Variants in UPP2 observed in about 807,000 individuals in gnomAD.
UPP2 encodes uridine phosphorylase 2, also known as UPase 2.
Under a neutral mutation model 26.7 loss-of-function variants are expected in UPP2, and 23 were observed. The observed-to-expected ratio is 0.86, with a 90% CI of 0.62 to 1.22. UPP2 has a LOEUF of 1.22. UPP2 is among the 50% of genes most tolerant of loss of function. UPP2 has a pLI of 0.00. For missense variants in UPP2, 387 were observed against 396.7 expected (o/e 0.98, Z 0.21); for synonymous variants, 127 against 141.3 (o/e 0.90, Z 0.72).
chr2:158,106,085 A>T lies in UPP2; in HGVS notation c.63-14A>T, dbSNP rs1558932666. The T allele has an allele frequency of 3.9e-6, 6 of 1,528,714 alleles. No individual in the cohort carries two copies. Among genetic ancestry groups the T allele is most frequent in the African/African-American group, 1.4e-5 (1 of 71,334 alleles). The allele number at this position is 1,528,714 out of a possible 1,614,324, so 94.7% of individuals were successfully genotyped here. On this transcript the variant is annotated splice_polypyrimidine_tract_variant and intron_variant, in intron 1 of 6. Coordinates refer to ENST00000005756, the MANE Select transcript of UPP2 (RefSeq NM_173355.4). ...AATTCTTTTATATCTTCTTTGTATA[A>T]TTTTTTTTTCCAGAAAAAGGTTTGT...
chr2:158,126,314 C>T (rs960521192), intron 6 of UPP2: 9 of 152,246 alleles, frequency 5.9e-5, no homozygotes, highest in Admixed American at 2.6e-4. Context: ...AGCTGATTTC[C>T]GCCTGCAAAT....
rs150948745 is a variant in UPP2 at position 158,115,106 on chromosome 2, C to G, written c.186C>G (p.Val62=). The G allele has an allele frequency of 0.019, 30,073 of 1,600,962 alleles. 336 individuals carry two copies. The highest frequency in any genetic ancestry group is 0.028 in the Middle Eastern group (170 of 5,970). The change falls in exon 3 of 7, where the codon GTC becomes GTG. Residue 62 remains valine (V), a synonymous_variant. Transcript: ENST00000005756. ...LPAMFGDVKF[V]CVGGSPNRMK... ...TTGTTTATTTTTATTAACAGTTTGT[C>G]TGTGTCGGTGGGAGCCCCAACAGAA...
intron 3 of UPP2, among the ~76,000 whole-genome samples, chr2:158,019,311 A>G (rs1683710241): frequency 6.6e-6 from 1 of 152,130 alleles, no homozygotes; most frequent in African/African-American, 2.4e-5. Context: ...GGGATATGAA[A>G]GGAGGCAGGA....
intron 3 of UPP2, among the ~76,000 whole-genome samples, chr2:158,064,972 C>A (rs1682411965): frequency 6.6e-6 from 1 of 152,110 alleles, no homozygotes; most frequent in Admixed American, 6.5e-5. Context: ...CAGTACCATG[C>A]TGTTTTGGTT....
chr2:158,094,749 A>G (rs1212802973), intron 3 of UPP2, among the ~76,000 whole-genome samples: 3 of 152,152 alleles, frequency 2.0e-5, no homozygotes, highest in Non-Finnish European at 4.4e-5. Context: ...TTCCCATCTG[A>G]GCCCTCTTGG....
At chr2:158,041,799 G>A (rs756351379) in intron 3 of UPP2, among the ~76,000 whole-genome samples, 1 of 152,168 alleles carries the variant, frequency 6.6e-6, no homozygotes, top group Non-Finnish European at 1.5e-5. Context: ...TGTAGTTGAT[G>A]AGTAAATGAG....
chr2:158,106,363 T>C lies in UPP2; in HGVS notation c.180+147T>C, dbSNP rs556364505. ...ACTCATTCTCTGAAACAATTTGGAA[T>C]GTGTATATCATGAACAATCATTTCC... On this transcript the variant is annotated intron_variant, in intron 2 of 6. Coordinates refer to ENST00000005756, the MANE Select transcript of UPP2 (RefSeq NM_173355.4). 2.3e-4 allele frequency: 149 copies of C among 658,146 alleles called. No individual in the cohort carries two copies. The African/African-American group carries it at 2.5e-3, about 11-fold the overall frequency. The allele number at this position is 658,146 out of a possible 1,614,324, so 40.8% of individuals were successfully genotyped here.
intron 3 of UPP2, among the ~76,000 whole-genome samples, chr2:158,065,366 AGTGTC>A (rs1682418835): frequency 6.6e-6 from 1 of 152,216 alleles, no homozygotes; most frequent in African/African-American, 2.4e-5. Context: ...GGATTGAAGA[AGTGTC>A]GCTTCTTGTT....
chr2:157,995,646 A>T (rs983332767), intron 2 of UPP2, among the ~76,000 whole-genome samples: 31 of 152,200 alleles, frequency 2.0e-4, no homozygotes, highest in Non-Finnish European at 3.7e-4. Context: ...ATAGAAAAAA[A>T]TTGAAAATAC....
At chr2:158,124,341 C>A (rs1210813017) in intron 6 of UPP2, among the ~76,000 whole-genome samples, 4 of 152,044 alleles carry the variant, frequency 2.6e-5, no homozygotes, top group African/African-American at 4.8e-5. Flanking sequence ...AAATCCAAGG[C>A]CACAGACAGG....
At chr2:158,072,363 T>C (rs1346400526) in intron 3 of UPP2, among the ~76,000 whole-genome samples, 1 of 152,148 alleles carries the variant, frequency 6.6e-6, no homozygotes, top group Non-Finnish European at 1.5e-5. Context: ...ATCTCTGGCT[T>C]CTAGACAGCA....
chr2:157,999,764 C>T (rs1683376941), intron 2 of UPP2, among the ~76,000 whole-genome samples: 1 of 152,056 alleles, frequency 6.6e-6, no homozygotes, highest in African/African-American at 2.4e-5. Context: ...ACAAAAAAGT[C>T]TAAAAAGTAA....
At chr2:158,001,038 A>G (rs768075941) in intron 2 of UPP2, among the ~76,000 whole-genome samples, 2 of 152,192 alleles carry the variant, frequency 1.3e-5, no homozygotes, top group African/African-American at 2.4e-5. Flanking sequence ...ATCCTCAGTA[A>G]AGAAGTTTCT....
intron 2 of UPP2, among the ~76,000 whole-genome samples, chr2:158,111,342 A>G (rs1434003697): frequency 6.6e-6 from 1 of 152,160 alleles, no homozygotes; most frequent in Non-Finnish European, 1.5e-5. Context: ...GTTATGGAAT[A>G]TCCCTCTGTC....
intron 3 of UPP2, among the ~76,000 whole-genome samples, chr2:158,043,617 T>A (rs1359688147): frequency 1.3e-5 from 2 of 152,162 alleles, no homozygotes; most frequent in African/African-American, 4.8e-5. Context: ...TAATGGTGAT[T>A]CAATGGGAGA....
chr2:158,065,634 T>C (rs1682422777), intron 3 of UPP2: 2 of 575,540 alleles, frequency 3.5e-6, no homozygotes, highest in South Asian at 1.6e-5. Flanking sequence ...AATGTGACCT[T>C]AAACAAATTC....
chr2:158,125,887 C>T (rs760216135), intron 6 of UPP2, among the ~76,000 whole-genome samples: 25 of 152,210 alleles, frequency 1.6e-4, no homozygotes, highest in Admixed American at 1.0e-3. Context: ...CCTCACATTT[C>T]TTTATTACAT....
intron 6 of UPP2, chr2:158,134,071 TG>T (rs1474717342): frequency 6.6e-6 from 1 of 152,340 alleles, no homozygotes; most frequent in South Asian, 2.1e-4. Context: ...AAAAGACTTT[TG>T]TTTTTTTTCC....
chr2:158,075,799 C>T (rs964352084), intron 3 of UPP2, among the ~76,000 whole-genome samples: 5 of 150,820 alleles, frequency 3.3e-5, no homozygotes, highest in African/African-American at 1.2e-4. Context: ...CAAGAGCAAA[C>T]TAAACCCAAA....
Sources: gnomAD v4.1 joint callset for allele counts (sites outside exome capture counted in the v4.1 genomes callset) on GRCh38, gnomAD v4.1.1 for gene constraint, MANE v1.5 for transcripts, NCBI Gene and HGNC (gene_info 2026-07-23, HGNC 2026-07-21) for gene names.